KCNG2: variants seen among roughly 807,000 people sequenced by gnomAD.
The protein encoded by KCNG2 is voltage-gated potassium channel regulatory subunit KCNG2.
Under a neutral mutation model 12.3 loss-of-function variants are expected in KCNG2, and 7 were observed. The ratio of observed to expected loss-of-function variants is 0.57; its 90% CI spans 0.32 to 1.07. The LOEUF is 1.07. Ranked by LOEUF, KCNG2 falls within the 50% of genes least tolerant of loss-of-function variation. The pLI, the probability that KCNG2 is intolerant of heterozygous loss-of-function variation, is 0.04. For synonymous variants in KCNG2, 414 were observed against 351.4 expected (o/e 1.18, Z -1.99); for missense variants, 703 against 726.0 (o/e 0.97, Z 0.36).
intron 1 of KCNG2, among the ~76,000 whole-genome samples, chr18:79,821,920 C>T (rs1300740403): frequency 1.3e-5 from 2 of 152,202 alleles, no homozygotes; most frequent in Non-Finnish European, 2.9e-5. Context: ...TCCGTTAAGA[C>T]TCCATATGAA....
chr18:79,841,112 G>GA (rs761572783), intron 1 of KCNG2, among the ~76,000 whole-genome samples: 4 of 151,662 alleles, frequency 2.6e-5, no homozygotes, highest in Non-Finnish European at 5.9e-5. Context: ...TCTATGAAAA[G>GA]AAAAAAAAGT....
intron 2 of KCNG2, among the ~76,000 whole-genome samples, chr18:79,860,656 C>T (rs1979177492): frequency 1.2e-5 from 1 of 80,704 alleles, no homozygotes; most frequent in South Asian, 7.7e-4. Context: ...AACCCATTCT[C>T]ATAGTGATGT....
chr18:79,821,771 C>T (rs1165862778), intron 1 of KCNG2, among the ~76,000 whole-genome samples: 1 of 152,138 alleles, frequency 6.6e-6, no homozygotes, highest in Non-Finnish European at 1.5e-5. Context: ...GGGCGTCCTG[C>T]TCCGCCCTCA....
chr18:79,874,354 G>A (rs1979981653), intron 3 of KCNG2, among the ~76,000 whole-genome samples: 1 of 152,234 alleles, frequency 6.6e-6, no homozygotes, highest in Admixed American at 6.5e-5. Context: ...TCTATCAGGA[G>A]CAGCACCGTC....
intron 3 of KCNG2, among the ~76,000 whole-genome samples, chr18:79,895,773 C>T (rs1264716726): frequency 6.6e-6 from 1 of 152,022 alleles, no homozygotes; most frequent in Admixed American, 6.6e-5. Context: ...TCTGTGTCTG[C>T]TTTTCATTGG....
intron 1 of KCNG2, among the ~76,000 whole-genome samples, chr18:79,842,757 A>G (rs868136842): frequency 6.6e-6 from 1 of 152,252 alleles, no homozygotes; most frequent in Non-Finnish European, 1.5e-5. Context: ...AGTAGACTCA[A>G]TTAAGCAGAA....
chr18:79,882,267 G>T (rs1468569200), intron 3 of KCNG2, among the ~76,000 whole-genome samples: 6 of 152,208 alleles, frequency 3.9e-5, no homozygotes, highest in Non-Finnish European at 7.3e-5. Context: ...CCCTAACACT[G>T]AGAGGCCGAG....
At chr18:79,881,036 G>C (rs751152757) in intron 3 of KCNG2, among the ~76,000 whole-genome samples, 5 of 152,234 alleles carry the variant, frequency 3.3e-5, no homozygotes, top group African/African-American at 4.8e-5. Flanking sequence ...TTCCCGTTAA[G>C]ATTGGGACCA....
In KCNG2 at chr18:79,798,829, G is replaced by C. The variant is rs1322247874; in HGVS notation, c.-115+815G>C. 2.6e-5 allele frequency among the ~76,000 whole-genome samples: 4 copies of C among 152,196 alleles called. No individual in the cohort carries two copies. The East Asian group carries it at 7.8e-4, about 29-fold the overall frequency. ...GATGGACGGAGGGGGCGTCCGGCAGGTGAACTGGGCCCGCTCCGCGTCCCG... is the reference window on the plus strand; with the variant it reads ...GATGGACGGAGGGGGCGTCCGGCAGCTGAACTGGGCCCGCTCCGCGTCCCG... On this transcript the variant is annotated intron_variant, in intron 1 of 3. Coordinates refer to ENST00000316249, the MANE Select transcript of KCNG2 (RefSeq NM_012283.2).
chr18:79,853,140 G>A (rs1342294425), intron 1 of KCNG2, among the ~76,000 whole-genome samples: 1 of 152,262 alleles, frequency 6.6e-6, no homozygotes, highest in Non-Finnish European at 1.5e-5. Context: ...AGGAATACGA[G>A]GGTGGGCAAA....
At chr18:79,832,049 CAG>C (rs1978298984) in intron 1 of KCNG2, among the ~76,000 whole-genome samples, 1 of 152,210 alleles carries the variant, frequency 6.6e-6, no homozygotes, top group Non-Finnish European at 1.5e-5. Context: ...CACCCCCGGG[CAG>C]AGCAGGTGTC....
At chr18:79,875,946 A>G (rs1980052294) in intron 3 of KCNG2, 1 of 152,404 alleles carries the variant, frequency 6.6e-6, no homozygotes, top group African/African-American at 2.4e-5. Context: ...CAGTAAGAAC[A>G]GATTCTCCAC....
intron 1 of KCNG2, among the ~76,000 whole-genome samples, chr18:79,855,758 C>T (rs769689611): frequency 1.3e-5 from 2 of 152,126 alleles, no homozygotes; most frequent in South Asian, 2.1e-4. Flanking sequence ...CGGCCATTCC[C>T]GTTCACCTCT....
chr18:79,866,950 TGTG>T (rs1979605481), intron 3 of KCNG2, among the ~76,000 whole-genome samples: 1 of 150,052 alleles, frequency 6.7e-6, no homozygotes, highest in Admixed American at 6.6e-5. Flanking sequence ...CTGAGAGGTC[TGTG>T]TTCTCAGAGA....
intron 1 of KCNG2, among the ~76,000 whole-genome samples, chr18:79,850,741 T>G (rs1599391686): frequency 6.6e-6 from 1 of 152,254 alleles, no homozygotes; most frequent in African/African-American, 2.4e-5. Flanking sequence ...ATGATGAGTT[T>G]CTTCTTAAAG....
At chr18:79,850,570 GTTA>G (rs1978782671) in intron 1 of KCNG2, among the ~76,000 whole-genome samples, 1 of 152,178 alleles carries the variant, frequency 6.6e-6, no homozygotes, top group African/African-American at 2.4e-5. Flanking sequence ...CAGATCTGAT[GTTA>G]TTTTCTTTTC....
chr18:79,866,733 G>T (rs1291315412), intron 3 of KCNG2, among the ~76,000 whole-genome samples: 3,873 of 67,766 alleles, frequency 0.057, 71 homozygotes, highest in Non-Finnish European at 0.088. Flanking sequence ...GAGAGGTCTG[G>T]GTACTGTGGT....
At chr18:79,801,699 C>A (rs940365185) in intron 1 of KCNG2, among the ~76,000 whole-genome samples, 2 of 152,264 alleles carry the variant, frequency 1.3e-5, no homozygotes, top group African/African-American at 4.8e-5. Flanking sequence ...AATGTGGCAG[C>A]AGTTTTTACT....
At chr18:79,841,502 T>C (rs1302554086) in intron 1 of KCNG2, among the ~76,000 whole-genome samples, 2 of 152,226 alleles carry the variant, frequency 1.3e-5, no homozygotes, top group Non-Finnish European at 2.9e-5. Flanking sequence ...TTGCAAACTA[T>C]ATACCCAACT....
Sources: gnomAD v4.1 joint callset for allele counts (sites outside exome capture counted in the v4.1 genomes callset) on GRCh38, gnomAD v4.1.1 for gene constraint, MANE v1.5 for transcripts, NCBI Gene and HGNC (gene_info 2026-07-23, HGNC 2026-07-21) for gene names.